The following LAMA3 variants were observed in gnomAD, a reference collection of about 807,000 sequenced individuals.
LAMA3 encodes laminin subunit alpha-3.
In LAMA3, 281 loss-of-function variants were observed where a neutral mutation model predicts 402.0. That is an observed-to-expected ratio of 0.70 (90% CI 0.63 to 0.77). The LOEUF is 0.77. Among genes scored for constraint, LAMA3 ranks in the 30% least tolerant of loss-of-function variants. The pLI is 0.00. For synonymous variants in LAMA3, 1,431 were observed against 1,558.4 expected (o/e 0.92, Z 1.93); for missense variants, 3,840 against 4,215.5 (o/e 0.91, Z 2.47).
chr18:23,748,122 T>A, intron 3 of LAMA3, 62 bp downstream of exon 3: 3 of 1,004,290 alleles, frequency 3.0e-6, no homozygotes, highest in Non-Finnish European at 4.8e-6. Context: ...ATAAAGACTA[T>A]GGATTTAATT....
At chr18:23,906,963 T>TTTC (rs2081269501) in intron 52 of LAMA3, among the ~76,000 whole-genome samples, 1 of 152,242 alleles carries the variant, frequency 6.6e-6, no homozygotes, top group South Asian at 2.1e-4. Flanking sequence ...GAATGTCTGC[T>TTTC]AGCTCCCTTT....
chr18:23,706,894 C>A (rs945625190), intron 1 of LAMA3, among the ~76,000 whole-genome samples: 3 of 152,122 alleles, frequency 2.0e-5, no homozygotes, highest in African/African-American at 7.2e-5. Context: ...GCCTGACCAA[C>A]ATGGAGAAAC....
chr18:23,894,118 A>G (rs1827220850), intron 42 of LAMA3, among the ~76,000 whole-genome samples, 180 bp from the exon 43 acceptor site: 1 of 147,132 alleles, frequency 6.8e-6, no homozygotes, highest in Admixed American at 6.8e-5. Flanking sequence ...TTGGGTGTCT[A>G]TTAGGTTGGT....
At chr18:23,814,348 T>G in intron 14 of LAMA3, 55 bp from the exon 15 acceptor site, 1 of 1,331,332 alleles carries the variant, frequency 7.5e-7, no homozygotes, top group South Asian at 1.2e-5. Flanking sequence ...CGCACAGGTT[T>G]GAAAACATGT....
Position 23,751,048 on chromosome 18 carries a change from T to C in LAMA3, c.815T>C (p.Leu272Pro). 1 of 1,614,126 alleles carries C rather than the reference T, an allele frequency of 6.2e-7. No homozygotes were observed. The highest frequency in any genetic ancestry group is 8.5e-7 in the Non-Finnish European group (1 of 1,180,008). Residue 272 changes from leucine to proline, a missense_variant, in exon 5 of 75, where the codon CTC (leucine) becomes CCC (proline). By Grantham distance (98) the Leu-to-Pro change is moderately conservative (BLOSUM62 -3). Transcript: ENST00000313654. ...FLRTNTLLGHLISKAQRDPTV... is the reference protein window; with the variant it reads ...FLRTNTLLGHPISKAQRDPTV... The stretch of plus-strand genomic sequence containing the variant: ...AGAACCAATACGCTTCTTGGACACC[T>C]CATCTCCAAAGCCCAGCGAGATCCA...
intron 1 of LAMA3, among the ~76,000 whole-genome samples, chr18:23,698,202 CTTT>C (rs755879182): frequency 1.8e-5 from 2 of 108,860 alleles, no homozygotes; most frequent in African/African-American, 7.3e-5. Flanking sequence ...TCTTCTTCTT[CTTT>C]TTTTTTTTTT....
chr18:23,897,485 C>T (rs752836679), intron 44 of LAMA3, among the ~76,000 whole-genome samples: 4 of 152,310 alleles, frequency 2.6e-5, no homozygotes, highest in South Asian at 2.1e-4. Flanking sequence ...TCTGCACACA[C>T]GCTGTTTGCC....
intron 25 of LAMA3, chr18:23,837,372 G>C (rs1000024389): frequency 3.0e-5 from 11 of 361,778 alleles, no homozygotes; most frequent in Non-Finnish European, 5.6e-5. Flanking sequence ...AATGTCTTCT[G>C]TTATTATATT....
chr18:23,699,080 A>G (rs2060743717), intron 1 of LAMA3, among the ~76,000 whole-genome samples: 2 of 151,112 alleles, frequency 1.3e-5, no homozygotes, highest in South Asian at 4.2e-4. Context: ...AGGAAAGGAG[A>G]TGATGTTGGT....
intron 20 of LAMA3, among the ~76,000 whole-genome samples, chr18:23,823,816 G>T (rs1411837111): frequency 6.6e-6 from 1 of 152,158 alleles, no homozygotes; most frequent in Non-Finnish European, 1.5e-5. Context: ...TAATGCAGAA[G>T]AAAACATATT....
At position 23,899,456 on chromosome 18, in the gene LAMA3, G is replaced by C. The variant is rs908264766; in HGVS notation, c.6004+1G>C. The C allele has an allele frequency of 6.2e-7, 1 of 1,613,926 alleles. No homozygotes were observed. Among genetic ancestry groups the C allele is most frequent in the African/African-American group, 1.3e-5 (1 of 75,030 alleles). ...GCTGATAAAAGGGAGTCGCAGCTCT[G>C]TAAGAATGCTCCCAAATTCTTGCAT... On this transcript the variant is annotated splice_donor_variant, in intron 47 of 74. Coordinates refer to ENST00000313654, the MANE Select transcript of LAMA3 (RefSeq NM_198129.4). LOFTEE classifies it high-confidence loss of function.
chr18:23,954,265 G>A (rs1268154808), intron 74 of LAMA3, among the ~76,000 whole-genome samples: 1 of 151,912 alleles, frequency 6.6e-6, no homozygotes, highest in Non-Finnish European at 1.5e-5. Flanking sequence ...AGCCCAGGGT[G>A]GTGGCCCACA....
chr18:23,790,184 T>C lies in LAMA3; in HGVS notation c.1603+6027T>C, dbSNP rs139797340. ...TAAACCCCTTCATCACCTAGTGATC[T>C]AGGACATCAAGAAGCATGAGGGCTA... is the stretch of plus-strand genomic sequence containing the variant. On this transcript the variant is annotated intron_variant, in intron 12 of 74. Transcript: ENST00000313654. Among the ~76,000 whole-genome samples the C allele has an allele frequency of 3.8e-3, 582 of 152,316 alleles. 2 individuals carry two copies. Among genetic ancestry groups the C allele is most frequent in the Non-Finnish European group, 6.2e-3 (425 of 68,016 alleles).
At position 23,952,839 on chromosome 18, in the gene LAMA3, G is replaced by A. The variant is rs1599192536; in HGVS notation, c.9737-151G>A. On this transcript the variant is annotated intron_variant, in intron 73 of 74. Transcript: ENST00000313654. Reference sequence around the variant, plus strand: ...TGGAAGCACTACCTGGTGTTTAGAGGAAGTTAATTGAATTTATATCTAAGC... The same window carrying A: ...TGGAAGCACTACCTGGTGTTTAGAGAAAGTTAATTGAATTTATATCTAAGC... The A allele has an allele frequency of 1.8e-5, 15 of 852,888 alleles. No individual in the cohort carries two copies. In the East Asian group the frequency reaches 3.6e-4, roughly 20 times the overall value. 52.8% of individuals were successfully genotyped at this position (852,888 alleles called of 1,614,324 possible).
intron 38 of LAMA3, among the ~76,000 whole-genome samples, chr18:23,874,210 A>T (rs2064628765): frequency 6.6e-6 from 1 of 152,226 alleles, no homozygotes; most frequent in African/African-American, 2.4e-5. Context: ...TGCTTATTTG[A>T]ATAACTTGCT....
At chr18:23,858,960 C>T (rs545507222) in intron 34 of LAMA3, 131 bp downstream of exon 34, 27 of 929,364 alleles carry the variant, frequency 2.9e-5, no homozygotes, top group East Asian at 4.8e-5. Flanking sequence ...GTTGTTTGCT[C>T]GAATGCCATG....
intron 59 of LAMA3, 119 bp downstream of exon 59, chr18:23,915,541 C>A: frequency 2.2e-6 from 2 of 928,582 alleles, no homozygotes; most frequent in Non-Finnish European, 3.5e-6. Context: ...TTGCTTTGGG[C>A]CAGTAGTTCT....
chr18:23,754,287 C>T (rs554418521), intron 6 of LAMA3, among the ~76,000 whole-genome samples: 1 of 152,294 alleles, frequency 6.6e-6, no homozygotes, highest in South Asian at 2.1e-4. Flanking sequence ...CAGAACTCTT[C>T]GTTTTGCAAA....
rs142723653 is a variant in LAMA3, at chr18:23,914,566, A to G, written c.7481+5A>G. The G allele has an allele frequency of 2.1e-4, 332 of 1,613,994 alleles. No individual in the cohort carries two copies. The African/African-American group carries it at 4.0e-3, about 20-fold the overall frequency. On this transcript the variant is annotated splice_donor_5th_base_variant and intron_variant, in intron 57 of 74. Coordinates refer to ENST00000313654, the MANE Select transcript of LAMA3 (RefSeq NM_198129.4). ...GGATCGGGTGAAATTTCAGAGGTAC[A>G]AGTCTGATTGACTGTACCTGTGCTC...
Sources: gnomAD v4.1 joint callset for allele counts (sites outside exome capture counted in the v4.1 genomes callset) on GRCh38, gnomAD v4.1.1 for gene constraint, MANE v1.5 for transcripts, NCBI Gene and HGNC (gene_info 2026-07-23, HGNC 2026-07-21) for gene names.